SBF2: variants seen among roughly 807,000 people sequenced by gnomAD.
SBF2 encodes the protein SET binding factor 2.
A neutral mutation model predicts 225.2 loss-of-function variants in SBF2; 112 were observed. The observed-to-expected ratio is 0.50, with a 90% CI of 0.43 to 0.58. The LOEUF is 0.58. SBF2 is among the 20% of genes least tolerant of loss of function. SBF2 has a pLI of 0.00. For synonymous variants in SBF2, 763 were observed against 773.3 expected, an observed-to-expected ratio of 0.99 and a Z score of 0.22; for missense variants, 1,996 against 2,206.2, an observed-to-expected ratio of 0.90 and a Z score of 1.91.
rs534491844 is a variant in SBF2 at position 10,130,378 on chromosome 11, T to A, written c.141+63524A>T. 3.9e-3 allele frequency among the ~76,000 whole-genome samples: 584 copies of A among 151,528 alleles called. 4 individuals are homozygous for A. Among genetic ancestry groups the A allele is most frequent in the South Asian group, 5.4e-3 (26 of 4,776 alleles). On this transcript the variant is annotated intron_variant, in intron 2 of 39. Transcript: ENST00000256190. ...CACCATCTCAGAAAAAAAAAAAAAA[T>A]TCAGTAGATTTCTTAACACTCTTAA...
chr11:10,189,899 C>T (rs1260578765), intron 2 of SBF2, among the ~76,000 whole-genome samples: 1 of 152,070 alleles, frequency 6.6e-6, no homozygotes, highest in Non-Finnish European at 1.5e-5. Flanking sequence ...CATCTGTAAT[C>T]GCAGCACTTT....
intron 1 of SBF2, among the ~76,000 whole-genome samples, chr11:10,260,392 T>C (rs1329827381): frequency 6.6e-6 from 1 of 151,792 alleles, no homozygotes; most frequent in Non-Finnish European, 1.5e-5. Context: ...AAGACCAGCC[T>C]GGGCAACATA....
intron 2 of SBF2, among the ~76,000 whole-genome samples, chr11:10,176,684 C>T (rs1477792760): frequency 2.0e-5 from 3 of 152,102 alleles, no homozygotes; most frequent in Non-Finnish European, 2.9e-5. Context: ...GGAGCTGAAA[C>T]TGTGGCAATA....
intron 1 of SBF2, among the ~76,000 whole-genome samples, chr11:10,215,376 G>T (rs1958092877): frequency 6.6e-6 from 1 of 152,140 alleles, no homozygotes; most frequent in South Asian, 2.1e-4. Flanking sequence ...TTGCATTGTT[G>T]CATTTTTAAC....
At chr11:9,933,321 T>C (rs1325988750) in intron 16 of SBF2, among the ~76,000 whole-genome samples, 2 of 152,186 alleles carry the variant, frequency 1.3e-5, no homozygotes, top group African/African-American at 4.8e-5. Flanking sequence ...AATGGACATC[T>C]ACAGAACTCT....
At chr11:10,277,417 T>C (rs1963048195) in intron 1 of SBF2, among the ~76,000 whole-genome samples, 1 of 152,204 alleles carries the variant, frequency 6.6e-6, no homozygotes, top group Non-Finnish European at 1.5e-5. Context: ...TTGAATAATT[T>C]TGTTTGTTGC....
At chr11:9,931,343 C>T (rs1214785300) in intron 16 of SBF2, among the ~76,000 whole-genome samples, 3 of 152,240 alleles carry the variant, frequency 2.0e-5, no homozygotes, top group Non-Finnish European at 2.9e-5. Flanking sequence ...CTGGGAGACA[C>T]CTCCCAGTAG....
intron 1 of SBF2, among the ~76,000 whole-genome samples, chr11:10,251,203 A>G (rs1960312221): frequency 6.6e-6 from 1 of 152,200 alleles, no homozygotes; most frequent in Non-Finnish European, 1.5e-5. Context: ...GTTGCCTCAT[A>G]ATCAGTCAAA....
At chr11:10,009,164 G>A in intron 6 of SBF2, among the ~76,000 whole-genome samples, 1 of 152,156 alleles carries the variant, frequency 6.6e-6, no homozygotes, top group East Asian at 1.9e-4. Flanking sequence ...CCCATGGACT[G>A]TCTCATTAAT....
intron 2 of SBF2, among the ~76,000 whole-genome samples, chr11:10,092,426 G>A (rs1230322603): frequency 2.0e-5 from 3 of 152,174 alleles, no homozygotes; most frequent in Admixed American, 6.5e-5. Context: ...GCTTATGTAT[G>A]GCTGTGATTA....
intron 2 of SBF2, among the ~76,000 whole-genome samples, chr11:10,087,689 C>T (rs1222173026): frequency 1.3e-5 from 2 of 152,140 alleles, no homozygotes; most frequent in Non-Finnish European, 1.5e-5. Flanking sequence ...AAATTTTGAG[C>T]TGCTTCAGTC....
At chr11:10,076,050 T>C (rs1267096868) in intron 2 of SBF2, among the ~76,000 whole-genome samples, 1 of 152,130 alleles carries the variant, frequency 6.6e-6, no homozygotes, top group Non-Finnish European at 1.5e-5. Flanking sequence ...AAAGAATAAT[T>C]GAATACTTTG....
At chr11:10,020,643 T>C (rs567774070) in intron 6 of SBF2, among the ~76,000 whole-genome samples, 30 of 152,314 alleles carry the variant, frequency 2.0e-4, no homozygotes, top group African/African-American at 6.5e-4. Flanking sequence ...TTTTTTCTTC[T>C]GAGGAGGCAA....
chr11:10,035,225 C>T (rs1373112499), intron 3 of SBF2, among the ~76,000 whole-genome samples: 11 of 152,090 alleles, frequency 7.2e-5, no homozygotes, highest in Admixed American at 4.6e-4. Context: ...CTGCCCACCT[C>T]GGCCTCCCAA....
At chr11:9,839,174 A>T in intron 26 of SBF2, 2 of 356,212 alleles carry the variant, frequency 5.6e-6, no homozygotes, top group South Asian at 4.9e-5. Context: ...AAAGACTTTC[A>T]TGTCCTCTAT....
chr11:10,043,191 C>T (rs920653309), intron 2 of SBF2, among the ~76,000 whole-genome samples: 1 of 152,108 alleles, frequency 6.6e-6, no homozygotes, highest in Non-Finnish European at 1.5e-5. Context: ...AAGATAGCCT[C>T]GATTTCCCAC....
chr11:9,785,875 T>G (rs767279755), intron 36 of SBF2, among the ~76,000 whole-genome samples: 1 of 6,650 alleles, frequency 1.5e-4, no homozygotes, highest in African/African-American at 2.4e-4. Flanking sequence ...ATGTTGATGG[T>G]TTTTTTTTTG....
At chr11:10,227,958 G>A (rs1958650705) in intron 1 of SBF2, among the ~76,000 whole-genome samples, 1 of 151,390 alleles carries the variant, frequency 6.6e-6, no homozygotes, top group African/African-American at 2.4e-5. Context: ...CATGAGCATG[G>A]AATGTTCTTC....
At position 10,188,622 on chromosome 11, in the gene SBF2, C is replaced by A. The variant is rs1409891205; in HGVS notation, c.141+5280G>T. 2.6e-5 allele frequency among the ~76,000 whole-genome samples: 4 copies of A among 152,160 alleles called. No individual in the cohort carries two copies. In the East Asian group the frequency reaches 5.8e-4, roughly 22 times the overall value. The stretch of plus-strand genomic sequence containing the variant: ...GACACTAGTTCTAGTACAGGATAAA[C>A]AAACCATTGTAGTGAGTATGGAGGA... On this transcript the variant is annotated intron_variant, in intron 2 of 39. Coordinates refer to ENST00000256190, the MANE Select transcript of SBF2 (RefSeq NM_030962.4).
Sources: gnomAD v4.1 joint callset for allele counts (sites outside exome capture counted in the v4.1 genomes callset) on GRCh38, gnomAD v4.1.1 for gene constraint, MANE v1.5 for transcripts, NCBI Gene and HGNC (gene_info 2026-07-23, HGNC 2026-07-21) for gene names.